The following TJP1 variants were observed in gnomAD, a reference collection of about 807,000 sequenced individuals.
The protein encoded by TJP1 is tight junction protein 1.
Under a neutral mutation model 194.2 loss-of-function variants are expected in TJP1, and 43 were observed. That is an observed-to-expected ratio of 0.22 (90% CI 0.17 to 0.29). The LOEUF is 0.29. Ranked by LOEUF, TJP1 falls within the 10% of genes least tolerant of loss-of-function variation. TJP1 has a pLI of 1.00. For synonymous variants in TJP1, 801 were observed against 779.0 expected (o/e 1.03, Z -0.47); for missense variants, 1,971 against 2,185.7 (o/e 0.90, Z 1.96).
chr15:29,709,576 T>C (rs932469027), intron 24 of TJP1, among the ~76,000 whole-genome samples: 5 of 152,112 alleles, frequency 3.3e-5, no homozygotes, highest in African/African-American at 1.2e-4. Flanking sequence ...AAATACCTCA[T>C]GAATATAGTA....
chr15:29,901,495 G>T (rs1291842958), intron 2 of TJP1, among the ~76,000 whole-genome samples: 1 of 152,126 alleles, frequency 6.6e-6, no homozygotes, highest in East Asian at 1.9e-4. Context: ...GATGCTTCTG[G>T]TGTGTTCTGC....
At chr15:29,807,384 T>G (rs956906171) in intron 1 of TJP1, among the ~76,000 whole-genome samples, 1 of 152,188 alleles carries the variant, frequency 6.6e-6, no homozygotes, top group Non-Finnish European at 1.5e-5. Flanking sequence ...TCTTGGAAAC[T>G]TAAAATCTAG....
At chr15:29,940,439 T>C (rs1375261281) in intron 2 of TJP1, among the ~76,000 whole-genome samples, 1 of 152,190 alleles carries the variant, frequency 6.6e-6, no homozygotes, top group African/African-American at 2.4e-5. Flanking sequence ...GAAATGTCCA[T>C]TTTTCATTCT....
At chr15:29,786,448 TGTTTA>T (rs1219849096) in intron 2 of TJP1, among the ~76,000 whole-genome samples, 3 of 152,190 alleles carry the variant, frequency 2.0e-5, no homozygotes, top group Non-Finnish European at 4.4e-5. Flanking sequence ...GAGAGACCTT[TGTTTA>T]GTTTATGTGA....
intron 2 of TJP1, among the ~76,000 whole-genome samples, chr15:29,856,870 A>G (rs1441561080): frequency 6.6e-6 from 1 of 152,110 alleles, no homozygotes; most frequent in African/African-American, 2.4e-5. Flanking sequence ...AAAAAAAAAA[A>G]AATGTGGGTG....
At chr15:29,861,856 G>T (rs1175720038) in intron 2 of TJP1, among the ~76,000 whole-genome samples, 1 of 152,100 alleles carries the variant, frequency 6.6e-6, no homozygotes, top group Admixed American at 6.6e-5. Flanking sequence ...GAAGCTCATT[G>T]TACCTATTTT....
chr15:29,941,811 C>T (rs79845973), intron 2 of TJP1, among the ~76,000 whole-genome samples: 154 of 152,150 alleles, frequency 1.0e-3, no homozygotes, highest in Non-Finnish European at 2.0e-3. Flanking sequence ...AAGATGATGA[C>T]AATGGCGTGC....
At chr15:29,833,596 G>T (rs1231913533) in intron 2 of TJP1, among the ~76,000 whole-genome samples, 1 of 151,660 alleles carries the variant, frequency 6.6e-6, no homozygotes, top group Non-Finnish European at 1.5e-5. Context: ...ATTTGGCCAT[G>T]TTGGGAGGCT....
intron 5 of TJP1, 148 bp downstream of exon 5, chr15:29,766,118 C>A: frequency 9.6e-7 from 1 of 1,045,708 alleles, no homozygotes; most frequent in East Asian, 2.5e-5. Flanking sequence ...GTCCCTGAAG[C>A]CTGCCATAAC....
chr15:29,720,137 C>T, intron 19 of TJP1, 121 bp from the exon 20 acceptor site: 1 of 1,346,970 alleles, frequency 7.4e-7, no homozygotes, highest in Non-Finnish European at 9.9e-7. Context: ...ATTATGACCT[C>T]ATGTCCTAAA....
At chr15:29,702,525 T>A (rs2041614427) in intron 27 of TJP1, among the ~76,000 whole-genome samples, 1 of 152,174 alleles carries the variant, frequency 6.6e-6, no homozygotes, top group East Asian at 1.9e-4. Context: ...CTGCCCCTGA[T>A]GGGACATCTG....
intron 2 of TJP1, among the ~76,000 whole-genome samples, chr15:29,925,876 T>TC (rs2054508731): frequency 6.6e-6 from 1 of 152,214 alleles, no homozygotes; most frequent in Admixed American, 6.5e-5. Flanking sequence ...ATTAGCTCCT[T>TC]TCTCTAGTGG....
At chr15:29,912,695 C>CAAAAAAAAAAAAAAAAAA (rs71103416) in intron 2 of TJP1, among the ~76,000 whole-genome samples, 24 of 64,958 alleles carry the variant, frequency 3.7e-4, no homozygotes, top group African/African-American at 1.2e-3. Context: ...GACTCTGTCT[C>CAAAAAAAAAAAAAAAAAA]AAAAAAAAAA....
intron 2 of TJP1, among the ~76,000 whole-genome samples, chr15:29,944,153 T>C (rs914111389): frequency 6.7e-4 from 102 of 151,888 alleles, no homozygotes; most frequent in African/African-American, 2.3e-3. Context: ...AGTGCAGTGG[T>C]GCAATCTTGG....
upstream of TJP1, chr15:29,822,546 CGGGGAGGGGGCGGGGCCGCGGCG>C (rs778478313): frequency 0.035 from 18,984 of 542,290 alleles, 309 homozygotes; most frequent in Non-Finnish European, 0.041. Flanking sequence ...CGAGGCGAGG[CGGGGAGGGGGCGGGGCCGCGGCG>C]GGGGAGGGGG....
At chr15:29,874,138 C>T (rs990076372) in intron 2 of TJP1, among the ~76,000 whole-genome samples, 1 of 152,156 alleles carries the variant, frequency 6.6e-6, no homozygotes, top group Admixed American at 6.5e-5. Flanking sequence ...CTGTCACCAC[C>T]ATTAAGCCAA....
chr15:29,764,070 C>T (rs964049560), intron 5 of TJP1, among the ~76,000 whole-genome samples: 1 of 152,032 alleles, frequency 6.6e-6, no homozygotes, highest in Non-Finnish European at 1.5e-5. Context: ...GAACTAGGTA[C>T]CAGGCATTAG....
chr15:29,935,096 T>C (rs189386991), intron 2 of TJP1, among the ~76,000 whole-genome samples: 1 of 152,312 alleles, frequency 6.6e-6, no homozygotes, highest in East Asian at 1.9e-4. Context: ...TCCACAGATG[T>C]TTCTTCTATT....
chr15:29,741,489 A>T, intron 9 of TJP1, 53 bp from the exon 10 acceptor site: 1 of 1,223,476 alleles, frequency 8.2e-7, no homozygotes, highest in Non-Finnish European at 1.2e-6. Flanking sequence ...TGGAATAATA[A>T]TGCAAGCAAC....
Sources: allele counts gnomAD v4.1 joint callset (sites outside exome capture counted in the v4.1 genomes callset), GRCh38; gene constraint gnomAD v4.1.1; transcripts MANE v1.5; gene names NCBI Gene and HGNC (gene_info 2026-07-23, HGNC 2026-07-21).